The following SLC24A2 variants were observed in gnomAD, a reference collection of about 807,000 sequenced individuals.
SLC24A2 encodes the protein sodium/potassium/calcium exchanger 2.
In SLC24A2, 36 loss-of-function variants were observed where a neutral mutation model predicts 62.0. The observed-to-expected ratio is 0.58, with a 90% CI of 0.44 to 0.77. SLC24A2 has a LOEUF of 0.77. Among genes scored for constraint, SLC24A2 ranks in the 30% least tolerant of loss-of-function variants. The probability of loss-of-function intolerance (pLI) is 0.00; values close to 1 mark genes in which losing one functional copy is unlikely to be tolerated. For missense variants in SLC24A2, 846 were observed against 817.9 expected (o/e 1.03, Z -0.42); for synonymous variants, 358 against 294.0 (o/e 1.22, Z -2.23).
chr9:19,570,720 A>AGTACT (rs2132837324), intron 7 of SLC24A2, among the ~76,000 whole-genome samples: 1 of 152,338 alleles, frequency 6.6e-6, no homozygotes, highest in East Asian at 1.9e-4. Context: ...CAATGAAGCA[A>AGTACT]GTACTGTTGC....
the SLC24A2 span, among the ~76,000 whole-genome samples, chr9:19,968,632 T>C: frequency 6.6e-6 from 1 of 152,158 alleles, no homozygotes. Context: ...AGTGCACATG[T>C]AGGAGTTAAG....
At chr9:19,788,389 T>A (rs963444885) in intron 1 of SLC24A2, 76 of 544,524 alleles carry the variant, frequency 1.4e-4, no homozygotes, top group Non-Finnish European at 1.7e-4. Flanking sequence ...TCGCTCCCCC[T>A]GAAAACCCAC....
the SLC24A2 span, among the ~76,000 whole-genome samples, chr9:20,101,666 T>A: frequency 1.2e-4 from 19 of 152,150 alleles, no homozygotes; most frequent in Non-Finnish European, 2.5e-4. Context: ...AATGGAGACC[T>A]GACCTTTCCC....
At chr9:20,257,861 T>A in the SLC24A2 span, among the ~76,000 whole-genome samples, 2 of 152,180 alleles carry the variant, frequency 1.3e-5, no homozygotes, top group South Asian at 4.1e-4. Flanking sequence ...TGGCTTGACA[T>A]CACCATACAG....
chr9:19,963,028 G>A, the SLC24A2 span, among the ~76,000 whole-genome samples: 1,454 of 152,098 alleles, frequency 9.6e-3, 13 homozygotes, highest in Middle Eastern at 0.017. Flanking sequence ...TTTGAGATAC[G>A]TCCCATCAAT....
chr9:19,658,457 A>T (rs1161075511), intron 2 of SLC24A2, among the ~76,000 whole-genome samples: 1 of 152,234 alleles, frequency 6.6e-6, no homozygotes, highest in African/African-American at 2.4e-5. Context: ...TCAGAACCAT[A>T]ATAAAACAAT....
At chr9:20,103,144 G>T in the SLC24A2 span, among the ~76,000 whole-genome samples, 2 of 152,224 alleles carry the variant, frequency 1.3e-5, no homozygotes, top group African/African-American at 2.4e-5. Context: ...CAGGCTGAGG[G>T]AGGGGCACCC....
the SLC24A2 span, among the ~76,000 whole-genome samples, chr9:19,902,461 AT>A: frequency 2.6e-5 from 4 of 152,164 alleles, no homozygotes; most frequent in Non-Finnish European, 4.4e-5. Flanking sequence ...GTAATCAGAT[AT>A]TTTTTTAATG....
chr9:20,250,550 A>G, the SLC24A2 span, among the ~76,000 whole-genome samples: 2 of 152,178 alleles, frequency 1.3e-5, no homozygotes, highest in Admixed American at 1.3e-4. Context: ...TCAAATCTTT[A>G]TAGCAGGGTC....
chr9:19,752,587 A>G (rs1587269408), intron 2 of SLC24A2, among the ~76,000 whole-genome samples: 1 of 152,174 alleles, frequency 6.6e-6, no homozygotes, highest in African/African-American at 2.4e-5. Context: ...CCTTAAACTC[A>G]CCGAGCCTCA....
chr9:19,591,063 C>G (rs1029077122), intron 5 of SLC24A2, among the ~76,000 whole-genome samples: 4 of 152,154 alleles, frequency 2.6e-5, no homozygotes, highest in Admixed American at 6.5e-5. Flanking sequence ...GGACTCTAGA[C>G]TTTGGAGTCC....
At chr9:20,243,545 A>G in the SLC24A2 span, among the ~76,000 whole-genome samples, 1 of 152,218 alleles carries the variant, frequency 6.6e-6, no homozygotes, top group Admixed American at 6.5e-5. Context: ...TCAATCTGAG[A>G]TCATTTTACT....
At chr9:19,895,894 C>A in the SLC24A2 span, 4 of 1,613,448 alleles carry the variant, frequency 2.5e-6, no homozygotes, top group African/African-American at 1.3e-5. Context: ...TGTGATGCGC[C>A]GGGCAGGGTC....
chr9:20,216,066 G>A, the SLC24A2 span, among the ~76,000 whole-genome samples: 9 of 149,462 alleles, frequency 6.0e-5, no homozygotes, highest in African/African-American at 2.2e-4. Context: ...CTACTATTTT[G>A]TGATAAATCA....
At chr9:19,610,998 G>A (rs1049657634) in intron 4 of SLC24A2, among the ~76,000 whole-genome samples, 2 of 152,198 alleles carry the variant, frequency 1.3e-5, no homozygotes, top group Admixed American at 1.3e-4. Context: ...ACGTTCACGG[G>A]GACAAGTGTT....
chr9:20,005,993 T>C, the SLC24A2 span, among the ~76,000 whole-genome samples: 1 of 151,774 alleles, frequency 6.6e-6, no homozygotes, highest in Non-Finnish European at 1.5e-5. Context: ...TTTGTATATA[T>C]ATTCTGTCAT....
intron 8 of SLC24A2, among the ~76,000 whole-genome samples, chr9:19,536,306 G>A (rs1319102299): frequency 1.3e-5 from 2 of 148,982 alleles, no homozygotes; most frequent in Non-Finnish European, 3.0e-5. Flanking sequence ...ACCCACTAAC[G>A]TGTCATCTGT....
the SLC24A2 span, among the ~76,000 whole-genome samples, chr9:19,844,786 T>G: frequency 1.3e-4 from 20 of 152,136 alleles, no homozygotes; most frequent in Non-Finnish European, 2.2e-4. Flanking sequence ...ATTTCCCTAT[T>G]GCTTATTTTT....
chr9:19,573,227 G>A (rs2132843600), intron 7 of SLC24A2, 124 bp downstream of exon 7: 1 of 699,488 alleles, frequency 1.4e-6, no homozygotes, highest in Non-Finnish European at 2.6e-6. Context: ...GGATGTATAA[G>A]GCCCTACCTG....
Sources: gnomAD v4.1 joint callset for allele counts (sites outside exome capture counted in the v4.1 genomes callset) on GRCh38, gnomAD v4.1.1 for gene constraint, MANE v1.5 for transcripts, NCBI Gene and HGNC (gene_info 2026-07-23, HGNC 2026-07-21) for gene names.